The following RAB38 variants were observed in gnomAD, a reference collection of about 807,000 sequenced individuals.
RAB38 encodes the protein RAB38, member RAS oncogene family.
RAB38 carries 15 observed loss-of-function variants against 18.4 expected under a neutral mutation model. The ratio of observed to expected loss-of-function variants is 0.82; its 90% CI spans 0.55 to 1.26. The LOEUF (loss-of-function observed/expected upper bound fraction) is 1.26, where lower values mean the gene tolerates loss of function less well. Ranked by LOEUF, RAB38 falls within the 50% of genes most tolerant of loss-of-function variation. The probability of loss-of-function intolerance (pLI) is 0.00; values close to 1 mark genes in which losing one functional copy is unlikely to be tolerated. For missense variants in RAB38, 294 were observed against 267.4 expected, an observed-to-expected ratio of 1.10 and a Z score of -0.69; for synonymous variants, 101 against 104.4, an observed-to-expected ratio of 0.97 and a Z score of 0.20.
the RAB38 span, among the ~76,000 whole-genome samples, chr11:87,941,052 G>A: frequency 1.3e-5 from 2 of 151,220 alleles, no homozygotes. Context: ...TAGCTGTCAT[G>A]GTGAACCTAG....
intron 2 of RAB38, among the ~76,000 whole-genome samples, chr11:88,125,194 T>C (rs11018533): frequency 0.12 from 18,442 of 152,154 alleles, 1,567 homozygotes; most frequent in African/African-American, 0.24. Context: ...AAAAATATCT[T>C]GTGGGCTCAC....
At chr11:87,949,383 A>G in the RAB38 span, among the ~76,000 whole-genome samples, 2 of 151,892 alleles carry the variant, frequency 1.3e-5, no homozygotes, top group Non-Finnish European at 2.9e-5. Flanking sequence ...TTGTGTCTCT[A>G]TTTCCTTCAG....
chr11:87,873,656 G>T, the RAB38 span, among the ~76,000 whole-genome samples: 1 of 151,308 alleles, frequency 6.6e-6, no homozygotes, highest in East Asian at 2.0e-4. Flanking sequence ...TCTGTGTCTA[G>T]ATTTTGTTTT....
chr11:87,842,865 ATGTT>A, the RAB38 span, among the ~76,000 whole-genome samples: 6 of 152,002 alleles, frequency 3.9e-5, no homozygotes, highest in South Asian at 2.1e-4. Context: ...TTTATAAAAA[ATGTT>A]TGAGAAACAA....
chr11:88,099,959 G>A, the RAB38 span: 1 of 151,664 alleles, frequency 6.6e-6, no homozygotes, highest in Non-Finnish European at 1.5e-5. Flanking sequence ...CCATGATTAA[G>A]AACTTCATTC....
At chr11:87,847,329 A>G in the RAB38 span, among the ~76,000 whole-genome samples, 1 of 152,294 alleles carries the variant, frequency 6.6e-6, no homozygotes, top group East Asian at 1.9e-4. Flanking sequence ...TTGTTACAAT[A>G]GACTCTATAC....
the RAB38 span, among the ~76,000 whole-genome samples, chr11:88,072,578 G>C: frequency 6.6e-6 from 1 of 152,158 alleles, no homozygotes; most frequent in Middle Eastern, 3.4e-3. Context: ...AAAGTTTCAA[G>C]AATCTCTGAG....
the RAB38 span, among the ~76,000 whole-genome samples, chr11:88,033,530 T>C: frequency 6.6e-6 from 1 of 152,284 alleles, no homozygotes; most frequent in Non-Finnish European, 1.5e-5. Flanking sequence ...TAAAAAGTAA[T>C]AGAGAGATCC....
At chr11:87,912,411 T>C in the RAB38 span, among the ~76,000 whole-genome samples, 1 of 152,038 alleles carries the variant, frequency 6.6e-6, no homozygotes, top group East Asian at 1.9e-4. Flanking sequence ...TATTTCTTTT[T>C]GCATGAGCTT....
At chr11:88,135,953 T>C (rs1942829875) in intron 2 of RAB38, among the ~76,000 whole-genome samples, 1 of 152,212 alleles carries the variant, frequency 6.6e-6, no homozygotes, top group South Asian at 2.1e-4. Context: ...CTGGGAATTA[T>C]GAAAGTTCTC....
chr11:87,817,083 C>G, the RAB38 span: 1 of 152,116 alleles, frequency 6.6e-6, no homozygotes, highest in Non-Finnish European at 1.5e-5. Context: ...GGTAGATAAG[C>G]TAACACCTTC....
chr11:87,857,005 C>G, the RAB38 span, among the ~76,000 whole-genome samples: 1 of 151,854 alleles, frequency 6.6e-6, no homozygotes, highest in Non-Finnish European at 1.5e-5. Flanking sequence ...TAATGCTATC[C>G]CTCCCCGCTC....
At chr11:88,010,653 T>C in the RAB38 span, among the ~76,000 whole-genome samples, 2 of 152,134 alleles carry the variant, frequency 1.3e-5, no homozygotes, top group African/African-American at 4.8e-5. Flanking sequence ...ACTCCTTATT[T>C]TGGTTCAGTA....
the RAB38 span, among the ~76,000 whole-genome samples, chr11:87,942,228 CA>C: frequency 2.0e-5 from 3 of 152,206 alleles, no homozygotes; most frequent in East Asian, 5.8e-4. Context: ...TGTTAAATTC[CA>C]GATTTTGTCC....
chr11:88,123,374 G>A (rs1346851841), intron 2 of RAB38, among the ~76,000 whole-genome samples: 1 of 152,236 alleles, frequency 6.6e-6, no homozygotes, highest in Non-Finnish European at 1.5e-5. Context: ...AAGGACTTTG[G>A]AAGAGTGACC....
At chr11:88,161,087 C>T (rs1421745087) in intron 1 of RAB38, among the ~76,000 whole-genome samples, 1 of 152,106 alleles carries the variant, frequency 6.6e-6, no homozygotes, top group Non-Finnish European at 1.5e-5. Context: ...TATTCAGTGA[C>T]TCTTATATGC....
the RAB38 span, among the ~76,000 whole-genome samples, chr11:87,841,225 T>C: frequency 1.3e-5 from 2 of 152,172 alleles, no homozygotes; most frequent in Non-Finnish European, 1.5e-5. Context: ...TCATGTGTCA[T>C]GAGAGGGACC....
the RAB38 span, chr11:87,817,016 GATTA>G: frequency 6.6e-6 from 1 of 152,048 alleles, no homozygotes. Flanking sequence ...GTCATCCTTA[GATTA>G]ATTTTATGAG....
the RAB38 span, among the ~76,000 whole-genome samples, chr11:88,083,101 ATTC>A: frequency 6.6e-6 from 1 of 151,812 alleles, no homozygotes; most frequent in African/African-American, 2.4e-5. Context: ...TGGTCTAGCT[ATTC>A]TTCTAGATAG....
Sources: gnomAD v4.1 joint callset for allele counts (sites outside exome capture counted in the v4.1 genomes callset) on GRCh38, gnomAD v4.1.1 for gene constraint, MANE v1.5 for transcripts, NCBI Gene and HGNC (gene_info 2026-07-23, HGNC 2026-07-21) for gene names.